The following TENM2 variants were observed in gnomAD, a reference collection of about 807,000 sequenced individuals.
TENM2 encodes the protein teneurin-2.
In TENM2, 52 loss-of-function variants were observed where a neutral mutation model predicts 245.2. The ratio of observed to expected loss-of-function variants is 0.21; its 90% CI spans 0.17 to 0.27. The LOEUF is 0.27. TENM2 is among the 10% of genes least tolerant of loss of function. TENM2 has a pLI of 1.00. For missense variants in TENM2, 3,046 were observed against 3,666.8 expected (o/e 0.83, Z 4.37); for synonymous variants, 1,363 against 1,438.9 (o/e 0.95, Z 1.19).
At chr5:167,144,485 A>T in the TENM2 span, among the ~76,000 whole-genome samples, 39 of 152,258 alleles carry the variant, frequency 2.6e-4, no homozygotes, top group Non-Finnish European at 5.0e-4. Flanking sequence ...GGTTAAATAA[A>T]TCTTTTGCCT....
At chr5:167,947,499 C>T (rs1779726818) in intron 3 of TENM2, among the ~76,000 whole-genome samples, 1 of 152,190 alleles carries the variant, frequency 6.6e-6, no homozygotes, top group Non-Finnish European at 1.5e-5. Flanking sequence ...AAGCCAACCA[C>T]TAGCCTGAAC....
Position 167,726,830 on chromosome 5 carries a change from C to T in TENM2, c.503-149156C>T, listed in dbSNP as rs935552049. 9.9e-5 allele frequency among the ~76,000 whole-genome samples: 15 copies of T among 152,264 alleles called. No individual in the cohort carries two copies. In the South Asian group the frequency reaches 2.3e-3, roughly 23 times the overall value. On this transcript the variant is annotated intron_variant, in intron 2 of 28. Transcript: ENST00000518659. ...TGCCCAAACCGTTGCTTTCATTCCA[C>T]GAGCTTGCTAATGGCCACAGATGCC...
intron 3 of TENM2, among the ~76,000 whole-genome samples, chr5:167,941,877 CT>C (rs1161995090): frequency 2.0e-5 from 3 of 148,184 alleles, no homozygotes; most frequent in African/African-American, 7.5e-5. Flanking sequence ...ACACAAAAAT[CT>C]AAATCACAGG....
intron 12 of TENM2, among the ~76,000 whole-genome samples, chr5:168,132,328 A>G (rs1754662213): frequency 6.6e-6 from 1 of 152,234 alleles, no homozygotes. Flanking sequence ...GACAAGATAG[A>G]CACAAACTAC....
intron 5 of TENM2, among the ~76,000 whole-genome samples, chr5:168,012,570 C>A (rs896358103): frequency 5.3e-5 from 8 of 151,050 alleles, no homozygotes; most frequent in African/African-American, 1.9e-4. Context: ...ATAGCTTGAG[C>A]CCAGGAGGTT....
chr5:167,101,600 C>A, the TENM2 span, among the ~76,000 whole-genome samples: 32 of 151,644 alleles, frequency 2.1e-4, no homozygotes, highest in Non-Finnish European at 4.7e-4. Context: ...GCAGTACAAA[C>A]GGCACTGCAT....
chr5:167,619,490 A>G (rs1239389464), intron 2 of TENM2, among the ~76,000 whole-genome samples: 1 of 152,084 alleles, frequency 6.6e-6, no homozygotes, highest in Admixed American at 6.6e-5. Flanking sequence ...TGGTCTCTGG[A>G]GTAAGACTGG....
chr5:167,993,132 C>T, exon 5 of TENM2: 1 of 1,614,036 alleles, frequency 6.2e-7, no homozygotes, highest in Admixed American at 1.7e-5. Context: ...GCTGCCCTCT[C>T]CGCCATTGCC....
At chr5:168,065,609 T>G in intron 7 of TENM2, among the ~76,000 whole-genome samples, 1 of 152,108 alleles carries the variant, frequency 6.6e-6, no homozygotes, top group Non-Finnish European at 1.5e-5. Flanking sequence ...AGATAGGCAA[T>G]TATACAAATA....
At chr5:167,762,323 T>G (rs1226062198) in intron 2 of TENM2, among the ~76,000 whole-genome samples, 2 of 152,000 alleles carry the variant, frequency 1.3e-5, no homozygotes, top group Non-Finnish European at 2.9e-5. Flanking sequence ...TATTTATGTC[T>G]AATCTTCTGC....
chr5:167,914,648 G>A (rs532527627), intron 3 of TENM2, among the ~76,000 whole-genome samples: 5 of 152,298 alleles, frequency 3.3e-5, no homozygotes, highest in South Asian at 2.1e-4. Flanking sequence ...GACATTTGTT[G>A]TCTCACAGGT....
intron 12 of TENM2, among the ~76,000 whole-genome samples, chr5:168,140,291 A>G (rs1389803200): frequency 6.6e-6 from 1 of 152,234 alleles, no homozygotes; most frequent in East Asian, 1.9e-4. Context: ...ATGAGCAACA[A>G]CAGAAAGTAT....
the TENM2 span, among the ~76,000 whole-genome samples, chr5:167,069,793 A>G: frequency 2.0e-5 from 3 of 152,218 alleles, no homozygotes; most frequent in African/African-American, 7.2e-5. Context: ...ATGCTAAAAA[A>G]TATTCAAAAA....
At chr5:168,105,817 T>C (rs1488886120) in intron 9 of TENM2, among the ~76,000 whole-genome samples, 1 of 152,252 alleles carries the variant, frequency 6.6e-6, no homozygotes, top group Non-Finnish European at 1.5e-5. Flanking sequence ...TTTTTTGTTA[T>C]TACTATTTCC....
At chr5:167,407,517 C>A (rs1239343939) in intron 2 of TENM2, among the ~76,000 whole-genome samples, 2 of 152,010 alleles carry the variant, frequency 1.3e-5, no homozygotes, top group Non-Finnish European at 2.9e-5. Context: ...GAAAAAGAAT[C>A]TTTTGTAGAA....
chr5:167,090,470 TC>T, the TENM2 span, among the ~76,000 whole-genome samples: 1 of 152,198 alleles, frequency 6.6e-6, no homozygotes, highest in Admixed American at 6.5e-5. Context: ...TTGACAAAGA[TC>T]TTTTCACTGA....
chr5:167,236,372 TA>T, the TENM2 span, among the ~76,000 whole-genome samples: 1 of 151,962 alleles, frequency 6.6e-6, no homozygotes, highest in Non-Finnish European at 1.5e-5. Flanking sequence ...ATTTCTAGTA[TA>T]AAAAACAAAA....
chr5:167,263,739 A>G, the TENM2 span, among the ~76,000 whole-genome samples: 5 of 152,014 alleles, frequency 3.3e-5, no homozygotes, highest in Non-Finnish European at 7.4e-5. Flanking sequence ...AAAAAAAAAA[A>G]GAGCATTTTT....
At chr5:167,783,355 T>G (rs1159666049) in intron 2 of TENM2, among the ~76,000 whole-genome samples, 1 of 151,964 alleles carries the variant, frequency 6.6e-6, no homozygotes, top group Non-Finnish European at 1.5e-5. Context: ...GAGTGAGCCG[T>G]GTTTGTGGAT....
Sources: allele counts gnomAD v4.1 joint callset (sites outside exome capture counted in the v4.1 genomes callset), GRCh38; gene constraint gnomAD v4.1.1; transcripts MANE v1.5; gene names NCBI Gene and HGNC (gene_info 2026-07-23, HGNC 2026-07-21).